NOX4: variants seen among roughly 807,000 people sequenced by gnomAD.
NOX4 encodes NADPH oxidase 4.
Under a neutral mutation model 87.6 loss-of-function variants are expected in NOX4, and 69 were observed. The observed-to-expected ratio is 0.79, with a 90% CI of 0.65 to 0.96. The LOEUF (loss-of-function observed/expected upper bound fraction) is 0.96. NOX4 is among the 40% of genes least tolerant of loss of function. NOX4 has a pLI of 0.00. For synonymous variants in NOX4, 275 were observed against 238.2 expected (o/e 1.15, Z -1.42); for missense variants, 680 against 681.5 (o/e 1.00, Z 0.02).
At chr11:89,411,476 G>A (rs1202520287) in intron 8 of NOX4, among the ~76,000 whole-genome samples, 1 of 152,116 alleles carries the variant, frequency 6.6e-6, no homozygotes, top group Non-Finnish European at 1.5e-5. Context: ...CACTCCCTGG[G>A]CCAGAGGGGA....
chr11:89,503,688 A>G, the NOX4 span, among the ~76,000 whole-genome samples: 2 of 151,468 alleles, frequency 1.3e-5, no homozygotes, highest in African/African-American at 4.8e-5. Flanking sequence ...CAAGTAATTT[A>G]ATACTTTTAA....
In NOX4 at chr11:89,348,977, T is replaced by C. The variant is rs561067629; in HGVS notation, c.1217+5985A>G. On this transcript the variant is annotated intron_variant, in intron 13 of 17. Coordinates refer to ENST00000263317, the MANE Select transcript of NOX4 (RefSeq NM_016931.5). The stretch of plus-strand genomic sequence containing the variant: ...ATTCCTGGATGTGTAGTGCTCATTA[T>C]GTGTTACTATTATAAACAAAAATAA... 5.9e-5 allele frequency among the ~76,000 whole-genome samples: 9 copies of C among 152,304 alleles called. No homozygotes were observed. In the South Asian group the frequency reaches 1.9e-3, roughly 32 times the overall value.
rs548576417 is a variant in NOX4, at chr11:89,373,495, A to G, written c.1075-3T>C. 233 of 1,417,398 alleles carry G rather than the reference A, an allele frequency of 1.6e-4. 1 individual carries two copies. The South Asian group carries it at 2.7e-3, about 16-fold the overall frequency. The allele number at this position is 1,417,398 out of a possible 1,614,324, so 87.8% of individuals were successfully genotyped here. A position where few individuals can be genotyped will look rare whatever the true frequency, so the allele number is the denominator to read the frequency against. ...GTTGCTTTGGTTTCAGTTGGACACT[A>G]AAAAAAAATACTAGAATCAATTGTG... On this transcript the variant is annotated splice_region_variant and splice_polypyrimidine_tract_variant and intron_variant, in intron 11 of 17. Coordinates refer to ENST00000263317, the MANE Select transcript of NOX4 (RefSeq NM_016931.5).
At chr11:89,342,499 G>A (rs1272434980) in intron 13 of NOX4, among the ~76,000 whole-genome samples, 1 of 151,998 alleles carries the variant, frequency 6.6e-6, no homozygotes, top group Non-Finnish European at 1.5e-5. Context: ...GATCATATTA[G>A]ACTATATGTC....
rs1301392269 is a variant in NOX4, at chr11:89,324,569, C to A, written c.*2187G>T. 1 of 152,060 alleles carries A rather than the reference C, an allele frequency of 6.6e-6. No homozygotes were observed. The highest frequency in any genetic ancestry group is 1.5e-5 in the Non-Finnish European group (1 of 68,016). 9.4% of individuals were successfully genotyped at this position (152,060 alleles called of 1,614,324 possible). On this transcript the variant is annotated 3_prime_UTR_variant, in exon 18 of 18. Coordinates refer to ENST00000263317, the MANE Select transcript of NOX4 (RefSeq NM_016931.5). ...AGGAGGCTCATCTAGAATGGCAGACCAGCTTTGAAACATCATCTTTCTTTT... is the reference window on the plus strand; with the variant it reads ...AGGAGGCTCATCTAGAATGGCAGACAAGCTTTGAAACATCATCTTTCTTTT...
intron 2 of NOX4, among the ~76,000 whole-genome samples, chr11:89,473,720 C>T (rs1319631886): frequency 1.3e-5 from 2 of 152,126 alleles, no homozygotes; most frequent in East Asian, 1.9e-4. Flanking sequence ...AATTCTATCT[C>T]TGTCCTCAAA....
chr11:89,400,424 G>GA (rs1178421023), intron 9 of NOX4, 45 bp from the exon 10 acceptor site: 7 of 1,433,104 alleles, frequency 4.9e-6, no homozygotes, highest in Admixed American at 4.3e-5. Context: ...TACTCATATT[G>GA]TAGAAATCTA....
At chr11:89,543,950 T>C in the NOX4 span, among the ~76,000 whole-genome samples, 5 of 151,988 alleles carry the variant, frequency 3.3e-5, no homozygotes, top group Non-Finnish European at 7.4e-5. Flanking sequence ...GGAGTAAAAG[T>C]GGGGAAGAAA....
At chr11:89,404,439 A>T (rs576193748) in intron 8 of NOX4, among the ~76,000 whole-genome samples, 1 of 152,274 alleles carries the variant, frequency 6.6e-6, no homozygotes, top group South Asian at 2.1e-4. Context: ...AGTTTGGAAG[A>T]TATCTTCAAA....
intron 12 of NOX4, among the ~76,000 whole-genome samples, chr11:89,368,931 T>TATATATCTTTAA (rs1939226165): frequency 6.6e-6 from 1 of 152,134 alleles, no homozygotes; most frequent in Non-Finnish European, 1.5e-5. Flanking sequence ...TTAAACTTTT[T>TATATATCTTTAA]AAAGATATAT....
intron 7 of NOX4, among the ~76,000 whole-genome samples, chr11:89,429,406 T>C (rs1943649100): frequency 6.6e-6 from 1 of 151,880 alleles, no homozygotes; most frequent in Non-Finnish European, 1.5e-5. Flanking sequence ...CTTCAAAAAA[T>C]CAATGAATGC....
At chr11:89,422,796 T>A (rs1186904708) in intron 7 of NOX4, among the ~76,000 whole-genome samples, 1 of 39,152 alleles carries the variant, frequency 2.6e-5, no homozygotes, top group Non-Finnish European at 6.8e-5. Flanking sequence ...AAAGTTCTGA[T>A]TTTTTTTTTT....
chr11:89,379,889 C>T (rs982214408), intron 11 of NOX4, among the ~76,000 whole-genome samples: 13 of 152,092 alleles, frequency 8.5e-5, no homozygotes, highest in African/African-American at 3.1e-4. Context: ...CTAACTGGAC[C>T]CCCTGTTTCT....
At chr11:89,584,348 C>T in the NOX4 span, among the ~76,000 whole-genome samples, 3 of 152,268 alleles carry the variant, frequency 2.0e-5, no homozygotes, top group Middle Eastern at 6.8e-3. Context: ...TCCCTGTGCT[C>T]ATAGATATCT....
rs559271047 is a variant in NOX4, at chr11:89,378,182, C to G, written c.1075-4690G>C. On this transcript the variant is annotated intron_variant, in intron 11 of 17. Transcript: ENST00000263317. ...TCCTATTGCCTATGGCCAAGCACAT[C>G]TGTTTCAAATTCTTTCTGGCTTTAT... Among the ~76,000 whole-genome samples the G allele has an allele frequency of 4.6e-5, 7 of 152,280 alleles. No individual in the cohort carries two copies. In the South Asian group the frequency reaches 1.4e-3, roughly 32 times the overall value.
intron 6 of NOX4, among the ~76,000 whole-genome samples, chr11:89,435,701 T>C (rs899570266): frequency 6.6e-6 from 1 of 152,030 alleles, no homozygotes; most frequent in Non-Finnish European, 1.5e-5. Context: ...GAGGATAAAA[T>C]AGAAGGGCCA....
chr11:89,589,241 C>A, the NOX4 span, among the ~76,000 whole-genome samples: 5 of 152,064 alleles, frequency 3.3e-5, no homozygotes, highest in African/African-American at 1.2e-4. Context: ...TTTCCGTTCC[C>A]CACCTTCACT....
the NOX4 span, among the ~76,000 whole-genome samples, chr11:89,572,548 TTTTG>T: frequency 2.0e-5 from 3 of 151,632 alleles, no homozygotes; most frequent in Non-Finnish European, 2.9e-5. Context: ...TGTTTGTTTG[TTTTG>T]TTTTTCTGTT....
chr11:89,587,216 C>T, the NOX4 span, among the ~76,000 whole-genome samples: 3 of 151,900 alleles, frequency 2.0e-5, no homozygotes, highest in Admixed American at 6.6e-5. Context: ...ATATTGGATG[C>T]AGTAACATAG....
Sources: gnomAD v4.1 joint callset for allele counts (sites outside exome capture counted in the v4.1 genomes callset) on GRCh38, gnomAD v4.1.1 for gene constraint, MANE v1.5 for transcripts, NCBI Gene and HGNC (gene_info 2026-07-23, HGNC 2026-07-21) for gene names.